The following ARHGAP32 variants were observed in gnomAD, a reference collection of about 807,000 sequenced individuals.
ARHGAP32 encodes the protein rho GTPase-activating protein 32.
A neutral mutation model predicts 186.5 loss-of-function variants in ARHGAP32; 51 were observed. The observed-to-expected ratio is 0.27, with a 90% CI of 0.22 to 0.35. The LOEUF is 0.35. Ranked by LOEUF, ARHGAP32 falls within the 10% of genes least tolerant of loss-of-function variation. ARHGAP32 has a pLI of 1.00. For synonymous variants in ARHGAP32, 950 were observed against 964.3 expected (o/e 0.99, Z 0.27); for missense variants, 2,186 against 2,623.5 (o/e 0.83, Z 3.64).
At chr11:129,172,684 C>T (rs1438080347) in intron 1 of ARHGAP32, among the ~76,000 whole-genome samples, 2 of 152,132 alleles carry the variant, frequency 1.3e-5, no homozygotes, top group Non-Finnish European at 2.9e-5. Flanking sequence ...CAACCTGCTC[C>T]TGAATGACTC....
At position 128,969,541 on chromosome 11, in the gene ARHGAP32, T is replaced by C; in HGVS notation, c.5672A>G (p.His1891Arg). The stretch of plus-strand genomic sequence containing the variant: ...ATGGCTTGCTTCTTGGTGTGCCCTG[T>C]GCTCAGGAAGACTGCAGCCCATGTC... Reference protein sequence around the residue: ...LPDMGCSLPEHRAHQEASHRQ... With the variant: ...LPDMGCSLPERRAHQEASHRQ... Residue 1891 changes from histidine (H) to arginine (R), a missense_variant, in exon 23 of 23, where the codon CAC becomes CGC. His to Arg is a conservative substitution (Grantham distance 29). Transcript: ENST00000682385. The surrounding 1 kb of genome is among the most constrained non-coding windows in gnomAD (Gnocchi z 4.8). The C allele has an allele frequency of 1.2e-6, 2 of 1,614,162 alleles. No homozygotes were observed. The highest frequency in any genetic ancestry group is 1.7e-6 in the Non-Finnish European group (2 of 1,180,024).
At position 128,969,028 on chromosome 11, in the gene ARHGAP32, T is replaced by C. The variant is rs1945281682; in HGVS notation, c.6185A>G (p.Tyr2062Cys). The C allele has an allele frequency of 2.5e-6, 4 of 1,612,004 alleles. No individual in the cohort carries two copies. The highest frequency in any genetic ancestry group is 2.7e-5 in the African/African-American group (2 of 75,006). The part of the protein sequence containing the change: ...GVFGGGGMGT[Y>C]VPPGFPHPQS... ...TGGATGGGGAAAGCCAGGGGGCACATACGTCCCCATGCCGCCCCCTCCAAA... is the reference window on the plus strand; with the variant it reads ...TGGATGGGGAAAGCCAGGGGGCACACACGTCCCCATGCCGCCCCCTCCAAA... Residue 2062 changes from tyrosine to cysteine, a missense_variant, in exon 23 of 23, where the codon TAT (tyrosine) becomes TGT (cysteine). This residue lies in a region of ARHGAP32 where 1,502 missense variants were observed against 1,570.0 expected (regional missense o/e 0.96). Transcript: ENST00000682385. The surrounding 1 kb of genome is among the most constrained non-coding windows in gnomAD (Gnocchi z 4.8).
In ARHGAP32 at chr11:129,214,027, G is replaced by GA. The variant is rs200590229; in HGVS notation, c.-4-49601dup. 5.5e-3 allele frequency among the ~76,000 whole-genome samples: 819 copies of GA among 147,688 alleles called. 9 individuals carry two copies. The highest frequency in any genetic ancestry group is 0.019 in the African/African-American group (763 of 40,360). ...ACCCGTAACTCCAGTCTAACCATGAGAAAAAAAAAATCAGACAAACCAAGA... is the reference window on the plus strand; with the variant it reads ...ACCCGTAACTCCAGTCTAACCATGAGAAAAAAAAAAATCAGACAAACCAAGA... On this transcript the variant is annotated intron_variant, in intron 1 of 6. Transcript: ENST00000525234.
At chr11:129,110,388 T>C (rs1288412823) in intron 5 of ARHGAP32, among the ~76,000 whole-genome samples, 1 of 152,180 alleles carries the variant, frequency 6.6e-6, no homozygotes, top group Non-Finnish European at 1.5e-5. Context: ...TCTCCAGCAT[T>C]GTTCTTTTTG....
intron 11 of ARHGAP32, among the ~76,000 whole-genome samples, chr11:129,017,159 C>T (rs1938384296): frequency 6.6e-6 from 1 of 152,054 alleles, no homozygotes; most frequent in African/African-American, 2.4e-5. Flanking sequence ...TTTTCCTCAT[C>T]TATGAAAAAG....
chr11:128,986,763 C>A, intron 13 of ARHGAP32, 95 bp from the exon 14 acceptor site: 1 of 1,242,522 alleles, frequency 8.0e-7, no homozygotes, highest in Non-Finnish European at 1.1e-6. Flanking sequence ...AAGTGTTCAG[C>A]TCTATCTCAG....
intron 11 of ARHGAP32, among the ~76,000 whole-genome samples, chr11:129,040,380 G>C (rs1270386976): frequency 6.6e-6 from 1 of 151,922 alleles, no homozygotes; most frequent in Non-Finnish European, 1.5e-5. Context: ...GCATTCTGTT[G>C]AATCTTCCCA....
intron 1 of ARHGAP32, among the ~76,000 whole-genome samples, chr11:129,237,353 A>G (rs2135655727): frequency 6.6e-6 from 1 of 152,336 alleles, no homozygotes; most frequent in East Asian, 1.9e-4. Context: ...ACAAATATTT[A>G]CTGGTCATTT....
At chr11:129,063,170 A>G (rs1940570853) in intron 9 of ARHGAP32, among the ~76,000 whole-genome samples, 2 of 152,184 alleles carry the variant, frequency 1.3e-5, no homozygotes. Flanking sequence ...AACTGATCTT[A>G]CATATCATGT....
At chr11:129,279,358 C>A (rs1415821243), upstream of ARHGAP32, 2 of 145,228 alleles carry the variant, frequency 1.4e-5, no homozygotes, top group Non-Finnish European at 3.1e-5. Context: ...CCGCCTCGCG[C>A]CCCGTCAGGC....
chr11:129,115,020 G>A (rs1419516921), intron 5 of ARHGAP32, among the ~76,000 whole-genome samples: 3 of 152,036 alleles, frequency 2.0e-5, no homozygotes, highest in Admixed American at 6.6e-5. Context: ...AATGGAACAC[G>A]GAAAGAGTTC....
intron 2 of ARHGAP32, among the ~76,000 whole-genome samples, chr11:129,160,360 C>T (rs1188842545): frequency 6.6e-6 from 1 of 152,152 alleles, no homozygotes; most frequent in Non-Finnish European, 1.5e-5. Context: ...ACCCCATCGT[C>T]TCAACCCAAA....
chr11:129,165,620 A>G (rs1488038321), intron 1 of ARHGAP32, among the ~76,000 whole-genome samples: 1 of 150,870 alleles, frequency 6.6e-6, no homozygotes, highest in Non-Finnish European at 1.5e-5. Context: ...ATTGAGAAAA[A>G]AAATAGTCAA....
Position 128,969,886 on chromosome 11 carries a change from C to T in ARHGAP32, c.5327G>A (p.Arg1776Gln), listed in dbSNP as rs147336520. 47 of 1,614,068 alleles carry T rather than the reference C, an allele frequency of 2.9e-5. No homozygotes were observed. The highest frequency in any genetic ancestry group is 1.1e-4 in the South Asian group (10 of 91,090). Residue 1776 changes from arginine to glutamine, a missense_variant, in exon 23 of 23, where the codon CGG (arginine) becomes CAG (glutamine). This residue lies in a region of ARHGAP32 where 1,502 missense variants were observed against 1,570.0 expected (regional missense o/e 0.96). Coordinates refer to ENST00000682385, the MANE Select transcript of ARHGAP32 (RefSeq NM_001378024.1). This position sits in a 1 kb window ranked among gnomAD's most constrained non-coding sequence, Gnocchi z 4.8. ...MQSIRRESRA[R>Q]QKVKGPVMSQ... ...CATGACAGGCCCTTTCACCTTCTGC[C>T]GAGCACGGCTCTCTCTCCGGATGGA...
At chr11:129,073,741 T>C (rs1390575908) in intron 6 of ARHGAP32, among the ~76,000 whole-genome samples, 1 of 140,268 alleles carries the variant, frequency 7.1e-6, no homozygotes, top group Non-Finnish European at 1.5e-5. Flanking sequence ...ATAAATTGCA[T>C]CACCCTCCTC....
Position 128,973,414 on chromosome 11 carries a change from G to A in ARHGAP32, c.3092C>T (p.Pro1031Leu). 1 of 1,613,494 alleles carries A rather than the reference G, an allele frequency of 6.2e-7. No homozygotes were observed. Among genetic ancestry groups the A allele is most frequent in the East Asian group, 2.2e-5 (1 of 44,866 alleles). The part of the protein sequence containing the change: ...QTQTGAVTHD[P>L]PQDSVPVSSV... ...ACTGACAGGAACGGAATCCTGAGGG[G>A]GGTCATGGGTAACTGCTCCTAGTGG... The change falls in exon 22 of 23, where the codon CCC becomes CTC. Residue 1031 changes from proline to leucine, a missense_variant. By Grantham distance (98) the Pro-to-Leu change is moderately conservative. Transcript: ENST00000682385.
intron 6 of ARHGAP32, among the ~76,000 whole-genome samples, chr11:129,091,785 G>A (rs761649568): frequency 2.5e-4 from 38 of 152,068 alleles, no homozygotes; most frequent in Non-Finnish European, 4.9e-4. Flanking sequence ...CTAACACTCT[G>A]TATAGCTTAG....
intron 2 of ARHGAP32, chr11:129,125,925 T>A (rs1437738183): frequency 2.3e-6 from 1 of 441,394 alleles, no homozygotes; most frequent in Non-Finnish European, 4.5e-6. Flanking sequence ...GATTCTTTAG[T>A]AATGAAACAG....
chr11:129,110,280 T>C (rs895420381), intron 5 of ARHGAP32, among the ~76,000 whole-genome samples: 12 of 152,168 alleles, frequency 7.9e-5, no homozygotes, highest in Admixed American at 7.2e-4. Flanking sequence ...CTGGGTTTTG[T>C]ATTCTGTTCC....
Sources: allele counts gnomAD v4.1 joint callset (sites outside exome capture counted in the v4.1 genomes callset), GRCh38; gene constraint gnomAD v4.1.1; regional missense constraint gnomAD v4.1.1; non-coding constraint Gnocchi (gnomAD v3.1); transcripts MANE v1.5; gene names NCBI Gene and HGNC (gene_info 2026-07-23, HGNC 2026-07-21).